The following RSPH14 variants were observed in gnomAD, a reference collection of about 807,000 sequenced individuals.
RSPH14 encodes radial spoke head 14 homolog.
In RSPH14, 20 loss-of-function variants were observed where a neutral mutation model predicts 26.7. The ratio of observed to expected loss-of-function variants is 0.75; its 90% CI spans 0.53 to 1.09. The LOEUF (loss-of-function observed/expected upper bound fraction) is 1.09. RSPH14 is among the 50% of genes least tolerant of loss of function. The pLI is 0.00. For synonymous variants in RSPH14, 177 were observed against 189.3 expected (o/e 0.93, Z 0.53); for missense variants, 449 against 457.2 (o/e 0.98, Z 0.16).
chr22:23,156,119 A>C, the RSPH14 span: 1 of 984,086 alleles, frequency 1.0e-6, no homozygotes. Flanking sequence ...AGTTCTCTGC[A>C]CAGGCACCAG....
rs1205489923 is a variant in RSPH14, at chr22:23,082,031, A to G, written c.422-17898T>C. The stretch of plus-strand genomic sequence containing the variant: ...TCCTAGCTACTTGGGAGGCTGAGGC[A>G]GGAGAATGGCATGAACCCAGGACGC... On this transcript the variant is annotated intron_variant, in intron 4 of 6. Coordinates refer to ENST00000216036, the MANE Select transcript of RSPH14 (RefSeq NM_014433.3). Among the ~76,000 whole-genome samples, 25 of 149,584 alleles carry G rather than the reference A, an allele frequency of 1.7e-4. No individual in the cohort carries two copies. In the East Asian group the frequency reaches 4.8e-3, roughly 29 times the overall value.
intron 4 of RSPH14, among the ~76,000 whole-genome samples, chr22:23,113,199 T>C (rs1243834569): frequency 6.6e-6 from 1 of 152,218 alleles, no homozygotes; most frequent in Non-Finnish European, 1.5e-5. Context: ...TGACGTTGGC[T>C]AAACTGCATC....
At chr22:23,142,635 G>T (rs2070623325), upstream of RSPH14, among the ~76,000 whole-genome samples, 2 of 152,240 alleles carry the variant, frequency 1.3e-5, no homozygotes, top group Admixed American at 6.5e-5. Flanking sequence ...ACTGCGCTCA[G>T]CCAGTTTCCC....
intron 4 of RSPH14, chr22:23,095,895 A>G: frequency 6.2e-7 from 1 of 1,613,738 alleles, no homozygotes; most frequent in Non-Finnish European, 8.5e-7. Context: ...GAGGCCTGCA[A>G]GGAGTACAAG....
chr22:23,176,789 C>A, the RSPH14 span, among the ~76,000 whole-genome samples: 1 of 152,192 alleles, frequency 6.6e-6, no homozygotes, highest in East Asian at 1.9e-4. Flanking sequence ...CCACCTCCCA[C>A]GCCCAACCTT....
chr22:23,076,427 G>C (rs949251996), intron 4 of RSPH14, among the ~76,000 whole-genome samples: 1 of 152,146 alleles, frequency 6.6e-6, no homozygotes, highest in Non-Finnish European at 1.5e-5. Flanking sequence ...CTGTGTGCTC[G>C]TGCGCTGCAG....
At chr22:23,061,608 C>T (rs1466221375) in intron 6 of RSPH14, among the ~76,000 whole-genome samples, 1 of 151,910 alleles carries the variant, frequency 6.6e-6, no homozygotes, top group African/African-American at 2.4e-5. Flanking sequence ...GGTGAGGGGC[C>T]ACTGTGCTGG....
upstream of RSPH14, among the ~76,000 whole-genome samples, chr22:23,143,011 C>T (rs2070627391): frequency 6.6e-6 from 1 of 152,202 alleles, no homozygotes; most frequent in Non-Finnish European, 1.5e-5. Context: ...ACTTGGTGAA[C>T]ACTTCTTCCA....
chr22:23,154,631 C>T, the RSPH14 span, among the ~76,000 whole-genome samples: 1 of 152,182 alleles, frequency 6.6e-6, no homozygotes, highest in African/African-American at 2.4e-5. Flanking sequence ...CATTAGAGGG[C>T]CCTGGACAAA....
At chr22:23,155,983 G>T in the RSPH14 span, 1 of 1,612,434 alleles carries the variant, frequency 6.2e-7, no homozygotes, top group South Asian at 1.1e-5. Flanking sequence ...ACACAGCTGG[G>T]CAGGAGAAGT....
At chr22:23,171,046 C>A in the RSPH14 span, among the ~76,000 whole-genome samples, 3 of 152,050 alleles carry the variant, frequency 2.0e-5, no homozygotes, top group East Asian at 5.8e-4. Flanking sequence ...TGGCTCACTG[C>A]GGCCTCTGCC....
rs904879763 is a variant in RSPH14, at chr22:23,068,359, A to G, written c.422-4226T>C. Among the ~76,000 whole-genome samples, 7 of 152,360 alleles carry G rather than the reference A, an allele frequency of 4.6e-5. No homozygotes were observed. The East Asian group carries it at 1.4e-3, about 29-fold the overall frequency. ...TCCTCAGATAGCCTCACATGACTGTAAGGCCCAATCGTTGTTTGCTTTCTG... is the reference window on the plus strand; with the variant it reads ...TCCTCAGATAGCCTCACATGACTGTGAGGCCCAATCGTTGTTTGCTTTCTG... On this transcript the variant is annotated intron_variant, in intron 4 of 6. Transcript: ENST00000216036.
At chr22:23,173,473 C>T in the RSPH14 span, among the ~76,000 whole-genome samples, 2 of 152,086 alleles carry the variant, frequency 1.3e-5, no homozygotes, top group African/African-American at 4.8e-5. Flanking sequence ...CAGGGTCTCA[C>T]TCTGTCGCCC....
intron 3 of RSPH14, 128 bp from the exon 4 acceptor site, chr22:23,134,272 G>T: frequency 1.5e-6 from 1 of 680,118 alleles, no homozygotes; most frequent in Non-Finnish European, 2.5e-6. Flanking sequence ...CTCTGGCTTT[G>T]TGGGAGCAGA....
At chr22:23,066,534 T>C (rs1409273439) in intron 4 of RSPH14, among the ~76,000 whole-genome samples, 1 of 152,190 alleles carries the variant, frequency 6.6e-6, no homozygotes, top group East Asian at 1.9e-4. Flanking sequence ...GGGGTTCATT[T>C]TGAGACAGAG....
At chr22:23,136,701 C>A (rs549255770) in intron 3 of RSPH14, among the ~76,000 whole-genome samples, 1 of 139,424 alleles carries the variant, frequency 7.2e-6, no homozygotes, top group South Asian at 2.3e-4. Flanking sequence ...TTTGCACTAA[C>A]CTGATAATTG....
At chr22:23,137,726 A>C in intron 3 of RSPH14, 1 of 224,064 alleles carries the variant, frequency 4.5e-6, no homozygotes, top group Non-Finnish European at 8.7e-6. Context: ...CTTTATCCGA[A>C]AGACCTGGGC....
chr22:23,079,929 G>C (rs937619633), intron 4 of RSPH14, among the ~76,000 whole-genome samples: 4 of 152,212 alleles, frequency 2.6e-5, no homozygotes, highest in Admixed American at 6.5e-5. Flanking sequence ...TGCCACACAT[G>C]GAGGCAGAGG....
At chr22:23,070,262 C>A (rs995283601) in intron 4 of RSPH14, 2 of 147,740 alleles carry the variant, frequency 1.4e-5, no homozygotes, top group African/African-American at 4.9e-5. Flanking sequence ...CGCGGCACCC[C>A]CCCGCCCGCG....
Sources: allele counts gnomAD v4.1 joint callset (sites outside exome capture counted in the v4.1 genomes callset), GRCh38; gene constraint gnomAD v4.1.1; transcripts MANE v1.5; gene names NCBI Gene and HGNC (gene_info 2026-07-23, HGNC 2026-07-21).